BNIP1: variants seen among roughly 807,000 people sequenced by gnomAD.
BNIP1 encodes the protein vesicle transport protein SEC20.
In BNIP1, 25 loss-of-function variants were observed where a neutral mutation model predicts 28.5. The ratio of observed to expected loss-of-function variants is 0.88; its 90% CI spans 0.64 to 1.23. The LOEUF (loss-of-function observed/expected upper bound fraction) is 1.23. Ranked by LOEUF, BNIP1 falls within the 50% of genes most tolerant of loss-of-function variation. The probability of loss-of-function intolerance (pLI) is 0.00; values close to 1 mark genes in which losing one functional copy is unlikely to be tolerated. For synonymous variants in BNIP1, 118 were observed against 101.7 expected (o/e 1.16, Z -0.96); for missense variants, 276 against 277.0 (o/e 1.00, Z 0.02).
At chr5:173,157,564 G>A (rs1054832265) in intron 3 of BNIP1, among the ~76,000 whole-genome samples, 1 of 151,972 alleles carries the variant, frequency 6.6e-6, no homozygotes, top group Non-Finnish European at 1.5e-5. Context: ...ACAGGCACTC[G>A]CCATCATGTC....
intron 2 of BNIP1, among the ~76,000 whole-genome samples, chr5:173,149,859 A>T (rs373879373): frequency 1.2e-4 from 19 of 152,120 alleles, no homozygotes; most frequent in African/African-American, 4.1e-4. Context: ...ATCCACCCCC[A>T]TGATCCAAAC....
intron 5 of BNIP1, chr5:173,160,807 G>A (rs765530835): frequency 4.4e-6 from 2 of 456,050 alleles, no homozygotes; most frequent in Middle Eastern, 3.2e-4. Flanking sequence ...ACTCCCCAAC[G>A]TTATTTTTCC....
intron 2 of BNIP1, among the ~76,000 whole-genome samples, chr5:173,148,501 G>A (rs2113839339): frequency 6.6e-6 from 1 of 152,154 alleles, no homozygotes; most frequent in East Asian, 1.9e-4. Context: ...GATGGCACAG[G>A]CCCAGGGCTG....
chr5:173,145,765 A>T (rs1307273723), intron 1 of BNIP1, among the ~76,000 whole-genome samples: 1 of 152,240 alleles, frequency 6.6e-6, no homozygotes, highest in Non-Finnish European at 1.5e-5. Context: ...ATGTAGACTC[A>T]GAGTTTGTAA....
rs745697688 is a variant in BNIP1, at chr5:173,163,946, C to T, written c.*25C>T. ...AGATCCCAAAGGTGCCAGTTCTGGC[C>T]CTTTCAGCTCCTGTTTCAGGATCTG... On this transcript the variant is annotated 3_prime_UTR_variant, in exon 6 of 6. Coordinates refer to ENST00000351486, the MANE Select transcript of BNIP1 (RefSeq NM_001205.3). The T allele has an allele frequency of 2.6e-6, 4 of 1,559,674 alleles. No homozygotes were observed. Among genetic ancestry groups the T allele is most frequent in the Admixed American group, 1.9e-5 (1 of 53,328 alleles).
At chr5:173,159,027 T>G (rs1403175556) in intron 4 of BNIP1, among the ~76,000 whole-genome samples, 182 bp downstream of exon 4, 1 of 152,066 alleles carries the variant, frequency 6.6e-6, no homozygotes, top group Admixed American at 6.6e-5. Context: ...AATTACAAAA[T>G]TAAAATATTG....
At chr5:173,151,517 G>A (rs778342573) in intron 2 of BNIP1, 77 of 1,565,484 alleles carry the variant, frequency 4.9e-5, no homozygotes, top group Non-Finnish European at 5.9e-5. Flanking sequence ...CACCACACCT[G>A]GTCTCTCATT....
intron 2 of BNIP1, among the ~76,000 whole-genome samples, chr5:173,148,670 A>G (rs952982846): frequency 6.6e-6 from 1 of 152,134 alleles, no homozygotes; most frequent in South Asian, 2.1e-4. Context: ...AAAGTCCTGC[A>G]AACTTGTCAT....
Position 173,144,568 on chromosome 5 carries a change from A to G in BNIP1, c.23A>G (p.His8Arg). The G allele has an allele frequency of 6.2e-7, 1 of 1,614,178 alleles. No homozygotes were observed. The highest frequency in any genetic ancestry group is 8.5e-7 in the Non-Finnish European group (1 of 1,179,992). ...AACATGGCGGCTCCCCAAGACGTCC[A>G]CGTCCGGATCTGTAACCAAGAGATT... The part of the protein sequence containing the change: MAAPQDV[H>R]VRICNQEIVK... The change falls in exon 1 of 6, where the codon CAC (histidine) becomes CGC (arginine). Residue 8 changes from histidine to arginine, a missense_variant. His to Arg is a conservative substitution (Grantham distance 29). Transcript: ENST00000351486.
At chr5:173,153,556 A>G (rs1019230957) in intron 2 of BNIP1, among the ~76,000 whole-genome samples, 8 of 152,038 alleles carry the variant, frequency 5.3e-5, no homozygotes, top group African/African-American at 1.9e-4. Context: ...ATTTCTCTTC[A>G]TGGAGTTTCA....
At position 173,160,032 on chromosome 5, in the gene BNIP1, G is replaced by A. The variant is rs776688323; in HGVS notation, c.471G>A (p.Glu157=). 6.2e-7 allele frequency: 1 copy of A among 1,613,984 alleles called. No homozygotes were observed. The change falls in exon 5 of 6, where the codon GAG becomes GAA. Residue 157 remains glutamate (E), a synonymous_variant. Coordinates refer to ENST00000351486, the MANE Select transcript of BNIP1 (RefSeq NM_001205.3). ...RMMAQQVQQS[E]EAMQSLVTSS... ...TGGCCCAGCAGGTCCAGCAGAGCGA[G>A]GAGGCCATGCAGTCTCTAGGTAAAG...
chr5:173,164,040 G>T lies in BNIP1; in HGVS notation c.*119G>T. ...CCTCCGTTTGCACCAGTTGCCTGCA[G>T]GTTGGATGGAACACAGTGCCCCACT... On this transcript the variant is annotated 3_prime_UTR_variant, in exon 6 of 6. Transcript: ENST00000351486. This position sits in a 1 kb window ranked among gnomAD's most constrained non-coding sequence, Gnocchi z 4.0. 9.3e-7 allele frequency: 1 copy of T among 1,070,736 alleles called. No individual in the cohort carries two copies. Among genetic ancestry groups the T allele is most frequent in the Non-Finnish European group, 1.3e-6 (1 of 761,536 alleles). 66.3% of individuals were successfully genotyped at this position (1,070,736 alleles called of 1,614,324 possible).
intron 3 of BNIP1, among the ~76,000 whole-genome samples, chr5:173,158,241 A>G (rs1305063599): frequency 6.6e-6 from 1 of 152,010 alleles, no homozygotes; most frequent in Admixed American, 6.6e-5. Flanking sequence ...ACGATTTTTT[A>G]TTTCCTACAA....
chr5:173,159,973 A>G lies in BNIP1; in HGVS notation c.412A>G (p.Ile138Val), dbSNP rs1347245542. The change falls in exon 5 of 6, where the codon ATC (isoleucine) becomes GTC (valine). Residue 138 changes from isoleucine (I) to valine (V), a missense_variant. Transcript: ENST00000351486. ...KESLAQTSST[I>V]TESLMGISRM... The stretch of plus-strand genomic sequence containing the variant: ...GAGCCTGGCCCAGACATCCAGTACC[A>G]TCACTGAGAGCCTCATGGGGATCAG... 9 of 1,614,134 alleles carry G rather than the reference A, an allele frequency of 5.6e-6. No individual in the cohort carries two copies. Among genetic ancestry groups the G allele is most frequent in the South Asian group, 1.1e-5 (1 of 91,076 alleles).
intron 4 of BNIP1, among the ~76,000 whole-genome samples, chr5:173,159,434 A>C (rs1221802509): frequency 6.6e-6 from 1 of 151,994 alleles, no homozygotes; most frequent in Non-Finnish European, 1.5e-5. Context: ...TGTACCATAC[A>C]TAAAATTTCA....
intron 2 of BNIP1, among the ~76,000 whole-genome samples, chr5:173,153,368 C>T (rs1472138012): frequency 6.6e-6 from 1 of 151,990 alleles, no homozygotes; most frequent in African/African-American, 2.4e-5. Flanking sequence ...GCTGGGACTA[C>T]AGGTGCCCGC....
At chr5:173,158,173 C>A (rs1384257365) in intron 3 of BNIP1, among the ~76,000 whole-genome samples, 2 of 151,906 alleles carry the variant, frequency 1.3e-5, no homozygotes, top group African/African-American at 2.4e-5. Context: ...TCAAGTGATC[C>A]CCCCACCTCG....
Position 173,147,002 on chromosome 5 carries a change from G to A in BNIP1, c.177+44G>A, listed in dbSNP as rs755774709. The stretch of plus-strand genomic sequence containing the variant: ...GTCAATGAAGGGGGCTCTGTCCTGG[G>A]TATATCCTCTGCTTGAGAGCCGTCT... On this transcript the variant is annotated intron_variant, in intron 2 of 5. Coordinates refer to ENST00000351486, the MANE Select transcript of BNIP1 (RefSeq NM_001205.3). The A allele has an allele frequency of 6.7e-6, 10 of 1,494,706 alleles. No homozygotes were observed. The Admixed American group carries it at 1.3e-4, about 20-fold the overall frequency. The allele number at this position is 1,494,706 out of a possible 1,614,324, so 92.6% of individuals were successfully genotyped here.
At chr5:173,150,884 C>A (rs1759998214) in intron 2 of BNIP1, among the ~76,000 whole-genome samples, 1 of 151,732 alleles carries the variant, frequency 6.6e-6, no homozygotes, top group South Asian at 2.1e-4. Flanking sequence ...GTTTCCCAGG[C>A]TGGAGTGCAG....
Sources: gnomAD v4.1 joint callset for allele counts (sites outside exome capture counted in the v4.1 genomes callset) on GRCh38, gnomAD v4.1.1 for gene constraint, Gnocchi (gnomAD v3.1) non-coding constraint, MANE v1.5 for transcripts, NCBI Gene and HGNC (gene_info 2026-07-23, HGNC 2026-07-21) for gene names.